ASTN2: variants seen among roughly 807,000 people sequenced by gnomAD.
ASTN2 encodes astrotactin-2.
Under a neutral mutation model 139.8 loss-of-function variants are expected in ASTN2, and 54 were observed. That is an observed-to-expected ratio of 0.39 (90% CI 0.31 to 0.48). The LOEUF is 0.48. Ranked by LOEUF, ASTN2 falls within the 20% of genes least tolerant of loss-of-function variation. The pLI is 0.95. For synonymous variants in ASTN2, 756 were observed against 719.5 expected (o/e 1.05, Z -0.81); for missense variants, 1,565 against 1,725.1 (o/e 0.91, Z 1.64).
intron 2 of ASTN2, among the ~76,000 whole-genome samples, chr9:117,280,647 A>T (rs1473954203): frequency 6.6e-6 from 1 of 152,174 alleles, no homozygotes; most frequent in African/African-American, 2.4e-5. Flanking sequence ...TGGCCCTGCC[A>T]ACACCATGAT....
chr9:116,883,803 G>C (rs1217481955), intron 10 of ASTN2, among the ~76,000 whole-genome samples: 1 of 152,172 alleles, frequency 6.6e-6, no homozygotes, highest in Non-Finnish European at 1.5e-5. Flanking sequence ...ACAGAGCAAT[G>C]GCATAAATAG....
At chr9:116,526,164 CA>C (rs911949007) in intron 19 of ASTN2, among the ~76,000 whole-genome samples, 3 of 152,160 alleles carry the variant, frequency 2.0e-5, no homozygotes, top group African/African-American at 7.2e-5. Flanking sequence ...ATTTCTTTCA[CA>C]AAAAGGATAA....
intron 13 of ASTN2, among the ~76,000 whole-genome samples, chr9:116,772,945 A>T (rs1829992958): frequency 6.6e-6 from 1 of 152,216 alleles, no homozygotes; most frequent in South Asian, 2.1e-4. Flanking sequence ...CTTTCCTGCT[A>T]GCCTGAGGCT....
At chr9:117,106,753 T>C (rs903841163) in intron 4 of ASTN2, among the ~76,000 whole-genome samples, 9 of 151,866 alleles carry the variant, frequency 5.9e-5, no homozygotes, top group African/African-American at 2.2e-4. Flanking sequence ...GAGCATATCC[T>C]GTGAATTTTG....
chr9:116,768,801 A>G (rs1044977285), intron 13 of ASTN2, among the ~76,000 whole-genome samples: 1 of 152,202 alleles, frequency 6.6e-6, no homozygotes, highest in Non-Finnish European at 1.5e-5. Context: ...CCCACCCTCC[A>G]GGACTATAAG....
chr9:116,971,946 T>C (rs1045947953), intron 10 of ASTN2, among the ~76,000 whole-genome samples: 1 of 152,216 alleles, frequency 6.6e-6, no homozygotes, highest in Admixed American at 6.5e-5. Flanking sequence ...GCCAATTTGC[T>C]TGAGGTCCAT....
chr9:116,495,314 C>T (rs762743842), intron 19 of ASTN2, among the ~76,000 whole-genome samples: 1 of 152,166 alleles, frequency 6.6e-6, no homozygotes, highest in African/African-American at 2.4e-5. Context: ...ACCAGCTCTC[C>T]CCCAATCTCA....
intron 1 of ASTN2, among the ~76,000 whole-genome samples, chr9:117,319,610 T>TA (rs1477157253): frequency 7.4e-6 from 1 of 135,534 alleles, no homozygotes; most frequent in Non-Finnish European, 1.6e-5. Flanking sequence ...TTTTTTTTTT[T>TA]AATGTAGAGA....
intron 13 of ASTN2, among the ~76,000 whole-genome samples, chr9:116,783,896 A>T (rs1830290798): frequency 6.6e-6 from 1 of 152,178 alleles, no homozygotes; most frequent in African/African-American, 2.4e-5. Context: ...ATTTGTTGAG[A>T]ACTTAGTTGT....
intron 3 of ASTN2, among the ~76,000 whole-genome samples, chr9:117,207,744 T>C (rs1225187317): frequency 6.6e-6 from 1 of 152,162 alleles, no homozygotes; most frequent in Non-Finnish European, 1.5e-5. Flanking sequence ...AACAGCCCCA[T>C]GGCCCTAATA....
At chr9:116,670,170 C>A (rs774270887) in intron 16 of ASTN2, among the ~76,000 whole-genome samples, 38 of 152,118 alleles carry the variant, frequency 2.5e-4, no homozygotes, top group Middle Eastern at 3.4e-3. Context: ...AACAAATAAA[C>A]AAAAAAACCT....
intron 3 of ASTN2, among the ~76,000 whole-genome samples, chr9:117,143,813 A>G (rs1448536765): frequency 1.4e-5 from 2 of 147,622 alleles, no homozygotes; most frequent in African/African-American, 4.9e-5. Context: ...AGAAAGAGAG[A>G]GAGAAAAAAA....
intron 5 of ASTN2, among the ~76,000 whole-genome samples, chr9:117,057,586 G>A (rs533135419): frequency 9.2e-5 from 14 of 152,324 alleles, no homozygotes; most frequent in African/African-American, 3.4e-4. Context: ...ATGTGAAGAT[G>A]TGAAGATGTG....
chr9:116,700,639 A>G lies in ASTN2; in HGVS notation c.2806+25132T>C, dbSNP rs886063384. 2.4e-5 allele frequency: 4 copies of G among 167,018 alleles called. No homozygotes were observed. Among genetic ancestry groups the G allele is most frequent in the African/African-American group, 4.8e-5 (2 of 41,466 alleles). 10.3% of individuals were successfully genotyped at this position (167,018 alleles called of 1,614,324 possible). On this transcript the variant is annotated intron_variant, in intron 16 of 22. Coordinates refer to ENST00000313400, the MANE Select transcript of ASTN2 (RefSeq NM_001365068.1). ...ATGTTCATTACTAAAACAAACAGCAAAACTATTGGTTTGTTATTCTGTGTT... is the reference window on the plus strand; with the variant it reads ...ATGTTCATTACTAAAACAAACAGCAGAACTATTGGTTTGTTATTCTGTGTT...
intron 10 of ASTN2, among the ~76,000 whole-genome samples, chr9:116,967,288 T>C (rs1363163471): frequency 6.6e-6 from 1 of 152,220 alleles, no homozygotes; most frequent in Non-Finnish European, 1.5e-5. Context: ...AAAGTTTACC[T>C]TACCCAAGGT....
At chr9:117,405,452 A>T (rs568876205) in intron 1 of ASTN2, among the ~76,000 whole-genome samples, 1 of 152,220 alleles carries the variant, frequency 6.6e-6, no homozygotes, top group Non-Finnish European at 1.5e-5. Context: ...GGCACCTGGG[A>T]CATAGTACAT....
At chr9:116,499,744 T>C (rs1285882109) in intron 19 of ASTN2, among the ~76,000 whole-genome samples, 2 of 152,128 alleles carry the variant, frequency 1.3e-5, no homozygotes, top group Non-Finnish European at 2.9e-5. Flanking sequence ...TAGGACCTCA[T>C]TATGCATCAA....
At chr9:117,165,880 T>C (rs550229329) in intron 3 of ASTN2, among the ~76,000 whole-genome samples, 1 of 152,176 alleles carries the variant, frequency 6.6e-6, no homozygotes, top group Non-Finnish European at 1.5e-5. Context: ...TAGAATGCCT[T>C]ATGCAAAGTA....
chr9:117,096,936 T>A (rs924322505), intron 4 of ASTN2, among the ~76,000 whole-genome samples: 2 of 152,118 alleles, frequency 1.3e-5, no homozygotes, highest in South Asian at 2.1e-4. Flanking sequence ...GAGAAATGAC[T>A]GGGAAGACAC....
Sources: gnomAD v4.1 joint callset for allele counts (sites outside exome capture counted in the v4.1 genomes callset) on GRCh38, gnomAD v4.1.1 for gene constraint, MANE v1.5 for transcripts, NCBI Gene and HGNC (gene_info 2026-07-23, HGNC 2026-07-21) for gene names.